Variants in ZDHHC21 observed in about 807,000 individuals in gnomAD.
ZDHHC21 encodes the protein palmitoyltransferase ZDHHC21.
ZDHHC21 carries 15 observed loss-of-function variants against 34.6 expected under a neutral mutation model. The observed-to-expected ratio is 0.43, with a 90% CI of 0.29 to 0.67. ZDHHC21 has a LOEUF of 0.67. ZDHHC21 is among the 30% of genes least tolerant of loss of function. The probability of loss-of-function intolerance (pLI) is 0.14; values close to 1 mark genes in which losing one functional copy is unlikely to be tolerated. For missense variants in ZDHHC21, 344 were observed against 327.7 expected, an observed-to-expected ratio of 1.05 and a Z score of -0.38; for synonymous variants, 142 against 101.8, an observed-to-expected ratio of 1.40 and a Z score of -2.38.
intron 8 of ZDHHC21, among the ~76,000 whole-genome samples, chr9:14,621,298 A>G (rs1825265007): frequency 1.3e-5 from 2 of 152,030 alleles, no homozygotes; most frequent in African/African-American, 4.8e-5. Flanking sequence ...GAAAGGTCAG[A>G]CTACTCTCAC....
At chr9:14,651,315 T>G (rs757309784) in intron 7 of ZDHHC21, among the ~76,000 whole-genome samples, 4 of 151,894 alleles carry the variant, frequency 2.6e-5, no homozygotes, top group Non-Finnish European at 5.9e-5. Context: ...TTAATATTAT[T>G]AATCCTACAA....
At chr9:14,623,697 A>G (rs1171103340) in intron 8 of ZDHHC21, among the ~76,000 whole-genome samples, 1 of 151,992 alleles carries the variant, frequency 6.6e-6, no homozygotes, top group Non-Finnish European at 1.5e-5. Flanking sequence ...TCTAAAACAG[A>G]GAAAAGATTA....
Position 14,665,223 on chromosome 9 carries a change from C to T in ZDHHC21, c.254-2897G>A, listed in dbSNP as rs1399686483. ...AATGCAGAAGCCTCAGGAGCCGATGCGATCAACTGGAAGAAAGGGTATCAG... is the reference window on the plus strand; with the variant it reads ...AATGCAGAAGCCTCAGGAGCCGATGTGATCAACTGGAAGAAAGGGTATCAG... On this transcript the variant is annotated intron_variant, in intron 5 of 9. Transcript: ENST00000380916. 3.4e-3 allele frequency among the ~76,000 whole-genome samples: 454 copies of T among 134,628 alleles called. 7 individuals carry two copies. In the East Asian group the frequency reaches 0.046, roughly 14 times the overall value. The allele number at this position is 134,628 out of a possible 152,430, so 88.3% of individuals were successfully genotyped here. A position where few individuals can be genotyped will look rare whatever the true frequency, so the allele number is the denominator to read the frequency against.
In ZDHHC21 at chr9:14,616,376, A is replaced by G. The variant is rs951895177; in HGVS notation, c.*2590T>C. 6.6e-6 allele frequency: 1 copy of G among 151,968 alleles called. No homozygotes were observed. The highest frequency in any genetic ancestry group is 2.4e-5 in the African/African-American group (1 of 41,542). 9.4% of individuals were successfully genotyped at this position (151,968 alleles called of 1,614,324 possible). Reference sequence around the variant, plus strand: ...ATATAATGGGAACGTACATAAATGAAGCAAAGCAGTCATCACATTCTTATG... The same window carrying G: ...ATATAATGGGAACGTACATAAATGAGGCAAAGCAGTCATCACATTCTTATG... On this transcript the variant is annotated 3_prime_UTR_variant, in exon 10 of 10. Transcript: ENST00000380916.
rs1399516642 is a variant in ZDHHC21 at position 14,615,945 on chromosome 9, A to G, written c.*3021T>C. The G allele has an allele frequency of 6.6e-6, 1 of 151,612 alleles. No homozygotes were observed. The highest frequency in any genetic ancestry group is 1.5e-5 in the Non-Finnish European group (1 of 67,710). 9.4% of individuals were successfully genotyped at this position (151,612 alleles called of 1,614,324 possible). A position where few individuals can be genotyped will look rare whatever the true frequency, so the allele number is the denominator to read the frequency against. On this transcript the variant is annotated 3_prime_UTR_variant, in exon 10 of 10. Transcript: ENST00000380916. Reference sequence around the variant, plus strand: ...TCACAATTATTTTCTAATGCCCAACACCTTTAGTTGTTTTCAGTTATCCAG... The same window carrying G: ...TCACAATTATTTTCTAATGCCCAACGCCTTTAGTTGTTTTCAGTTATCCAG...
intron 1 of ZDHHC21, among the ~76,000 whole-genome samples, chr9:14,692,103 T>C (rs1424260019): frequency 2.6e-5 from 4 of 152,190 alleles, no homozygotes; most frequent in East Asian, 3.9e-4. Context: ...ATTCTTCAAA[T>C]ATCTTTTTGC....
At chr9:14,631,476 T>G (rs1469500613) in intron 8 of ZDHHC21, among the ~76,000 whole-genome samples, 3 of 152,226 alleles carry the variant, frequency 2.0e-5, no homozygotes, top group Non-Finnish European at 4.4e-5. Flanking sequence ...GCTGCTTCAC[T>G]TTCTTATCAT....
At position 14,690,348 on chromosome 9, in the gene ZDHHC21, A is replaced by G. The variant is rs1346852999; in HGVS notation, c.-187T>C. 1 of 456,470 alleles carries G rather than the reference A, an allele frequency of 2.2e-6. No individual in the cohort carries two copies. The highest frequency in any genetic ancestry group is 7.0e-5 in the East Asian group (1 of 14,378). 28.3% of individuals were successfully genotyped at this position (456,470 alleles called of 1,614,324 possible). A position where few individuals can be genotyped will look rare whatever the true frequency, so the allele number is the denominator to read the frequency against. The stretch of plus-strand genomic sequence containing the variant: ...AAATCTCTCCTCACCTGCTTGCTGA[A>G]GCTGAAAATCCTGCAGTAAGTGAAA... On this transcript the variant is annotated 5_prime_UTR_variant, in exon 2 of 10. Transcript: ENST00000380916.
rs1006773108 is a variant in ZDHHC21, at chr9:14,680,124, C to G, written c.-137G>C. On this transcript the variant is annotated 5_prime_UTR_variant, in exon 3 of 10. Coordinates refer to ENST00000380916, the MANE Select transcript of ZDHHC21 (RefSeq NM_178566.6). ...TTCATTTTTTTTAATTATATCCCACCAAATGGATCTCTCTTCAATAACAGT... is the reference window on the plus strand; with the variant it reads ...TTCATTTTTTTTAATTATATCCCACGAAATGGATCTCTCTTCAATAACAGT... 1 of 152,368 alleles carries G rather than the reference C, an allele frequency of 6.6e-6. No homozygotes were observed. Among genetic ancestry groups the G allele is most frequent in the East Asian group, 1.9e-4 (1 of 5,196 alleles). The allele number at this position is 152,368 out of a possible 1,614,324, so 9.4% of individuals were successfully genotyped here. A position where few individuals can be genotyped will look rare whatever the true frequency, so the allele number is the denominator to read the frequency against.
At chr9:14,662,560 T>C (rs531561850) in intron 5 of ZDHHC21, among the ~76,000 whole-genome samples, 15 of 152,368 alleles carry the variant, frequency 9.8e-5, no homozygotes, top group Non-Finnish European at 2.1e-4. Context: ...ACTATTGTTA[T>C]AGTCAAAGTA....
the ZDHHC21 span, among the ~76,000 whole-genome samples, chr9:14,603,676 A>G: frequency 1.3e-5 from 2 of 152,186 alleles, no homozygotes; most frequent in Non-Finnish European, 2.9e-5. Flanking sequence ...AAATATGAAA[A>G]TAAGATCTCA....
chr9:14,625,755 A>T (rs1826092930), intron 8 of ZDHHC21, among the ~76,000 whole-genome samples: 1 of 151,794 alleles, frequency 6.6e-6, no homozygotes, highest in Non-Finnish European at 1.5e-5. Flanking sequence ...TGAAAAATAA[A>T]ATAATAGGGA....
the ZDHHC21 span, among the ~76,000 whole-genome samples, chr9:14,591,586 T>C: frequency 6.6e-6 from 1 of 152,176 alleles, no homozygotes; most frequent in African/African-American, 2.4e-5. Context: ...ACAATTATCA[T>C]GAAGTTATAT....
chr9:14,684,858 C>T (rs987284507), intron 2 of ZDHHC21, among the ~76,000 whole-genome samples: 34 of 152,204 alleles, frequency 2.2e-4, no homozygotes, highest in African/African-American at 6.3e-4. Context: ...AACAGAGATA[C>T]AGACCAATGG....
At chr9:14,681,090 T>C (rs1837292145) in intron 2 of ZDHHC21, among the ~76,000 whole-genome samples, 4 of 152,176 alleles carry the variant, frequency 2.6e-5, no homozygotes, top group Admixed American at 2.6e-4. Flanking sequence ...TGTTCATCCT[T>C]TTGACCACAA....
intron 7 of ZDHHC21, among the ~76,000 whole-genome samples, chr9:14,641,800 T>C (rs540908125): frequency 2.6e-5 from 4 of 152,224 alleles, no homozygotes; most frequent in Non-Finnish European, 5.9e-5. Context: ...ATAGTATTTA[T>C]GTATTTCTTA....
chr9:14,661,163 T>C (rs958923788), intron 6 of ZDHHC21, among the ~76,000 whole-genome samples: 1 of 152,202 alleles, frequency 6.6e-6, no homozygotes, highest in Non-Finnish European at 1.5e-5. Flanking sequence ...AGTAACAAAA[T>C]GCTTTTATCG....
chr9:14,650,183 T>C (rs1021784419), intron 7 of ZDHHC21, among the ~76,000 whole-genome samples: 2 of 151,708 alleles, frequency 1.3e-5, no homozygotes, highest in South Asian at 2.1e-4. Context: ...ACAAATGGAA[T>C]TGGCAATTGT....
At chr9:14,648,372 G>A (rs2133807343) in intron 7 of ZDHHC21, among the ~76,000 whole-genome samples, 1 of 151,912 alleles carries the variant, frequency 6.6e-6, no homozygotes, top group Middle Eastern at 3.4e-3. Flanking sequence ...CCCTCCAACA[G>A]CTTACAAAGT....
Sources: gnomAD v4.1 joint callset for allele counts (sites outside exome capture counted in the v4.1 genomes callset) on GRCh38, gnomAD v4.1.1 for gene constraint, MANE v1.5 for transcripts, NCBI Gene and HGNC (gene_info 2026-07-23, HGNC 2026-07-21) for gene names.